The following LTF variants were observed in gnomAD, a reference collection of about 807,000 sequenced individuals.
The protein encoded by LTF is epididymis luminal protein 110.
LTF carries 91 observed loss-of-function variants against 87.2 expected under a neutral mutation model. That is an observed-to-expected ratio of 1.04 (90% CI 0.88 to 1.24). The LOEUF is 1.24. Ranked by LOEUF, LTF falls within the 50% of genes most tolerant of loss-of-function variation. LTF has a pLI of 0.00. For synonymous variants in LTF, 378 were observed against 356.1 expected (o/e 1.06, Z -0.69); for missense variants, 901 against 904.3 (o/e 1.00, Z 0.05).
chr3:46,440,814 T>C (rs1357437589), intron 14 of LTF, among the ~76,000 whole-genome samples: 1 of 152,138 alleles, frequency 6.6e-6, no homozygotes, highest in African/African-American at 2.4e-5. Context: ...GAAGTGGGGC[T>C]AAGGAGACAG....
Position 46,482,647 on chromosome 3 carries a change from AGAAAGAAAGAAAGAAGGAAG to A in LTF, c.-320+2319_-320+2338del, listed in dbSNP as rs1294505545. On this transcript the variant is annotated intron_variant, in intron 1 of 19. Coordinates refer to the LTF transcript ENST00000443496. ...AAGAAAGAAAGAAAGAAAGAAAGAA[AGAAAGAAAGAAAGAAGGAAG>A]GAAGGAAGGAAGGAAGGAAGGAAGG... Among the ~76,000 whole-genome samples the A allele has an allele frequency of 4.0e-4, 41 of 102,680 alleles. 1 individual carries two copies. The highest frequency in any genetic ancestry group is 1.2e-3 in the South Asian group (3 of 2,558). The allele number at this position is 102,680 out of a possible 152,430, so 67.4% of individuals were successfully genotyped here. A position where few individuals can be genotyped will look rare whatever the true frequency, so the allele number is the denominator to read the frequency against.
At chr3:46,479,422 T>G (rs1010520198) in intron 1 of LTF, among the ~76,000 whole-genome samples, 2 of 152,188 alleles carry the variant, frequency 1.3e-5, no homozygotes, top group African/African-American at 4.8e-5. Context: ...AGGCTGAGAA[T>G]GGACTGAGAG....
At chr3:46,479,820 G>A (rs971760553) in intron 1 of LTF, among the ~76,000 whole-genome samples, 3 of 152,186 alleles carry the variant, frequency 2.0e-5, no homozygotes, top group Non-Finnish European at 4.4e-5. Flanking sequence ...GAGCCACTGC[G>A]CCCGGCCAGA....
At chr3:46,440,216 G>A (rs1702486071) in intron 14 of LTF, among the ~76,000 whole-genome samples, 1 of 152,062 alleles carries the variant, frequency 6.6e-6, no homozygotes, top group Admixed American at 6.5e-5. Flanking sequence ...TTTTTTTAAA[G>A]AAGAAAACCC....
At position 46,456,289 on chromosome 3, in the gene LTF, C is replaced by T. The variant is rs934572568; in HGVS notation, c.316+1G>A. The T allele has an allele frequency of 5.0e-6, 8 of 1,613,600 alleles. No homozygotes were observed. Among genetic ancestry groups the T allele is most frequent in the South Asian group, 4.4e-5 (4 of 91,080 alleles). On this transcript the variant is annotated splice_donor_variant, in intron 3 of 16. Coordinates refer to ENST00000231751, the MANE Select transcript of LTF (RefSeq NM_002343.6). LOFTEE classifies it high-confidence loss of function. ...CCTCTGGGTCCCCAGGCAGAACTCACGTCTTTCGGTCCCGTAGACTTCCGC... is the reference window on the plus strand; with the variant it reads ...CCTCTGGGTCCCCAGGCAGAACTCATGTCTTTCGGTCCCGTAGACTTCCGC...
intron 1 of LTF, among the ~76,000 whole-genome samples, chr3:46,477,794 G>T (rs1369517186): frequency 6.6e-6 from 1 of 152,308 alleles, no homozygotes; most frequent in South Asian, 2.1e-4. Flanking sequence ...AACTATTATT[G>T]TTATTGTTTC....
chr3:46,437,246 T>A (rs1702405625), intron 16 of LTF, among the ~76,000 whole-genome samples: 1 of 152,182 alleles, frequency 6.6e-6, no homozygotes, highest in Non-Finnish European at 1.5e-5. Context: ...TTAAGATGTG[T>A]TTTCCTACAC....
intron 2 of LTF, among the ~76,000 whole-genome samples, chr3:46,456,667 A>G (rs1008720534): frequency 6.6e-6 from 1 of 152,112 alleles, no homozygotes; most frequent in Non-Finnish European, 1.5e-5. Flanking sequence ...CACCCCTCAC[A>G]GTCATCTATA....
At chr3:46,465,544 TC>T (rs1370283967), upstream of LTF, among the ~76,000 whole-genome samples, 1 of 151,440 alleles carries the variant, frequency 6.6e-6, no homozygotes, top group Non-Finnish European at 1.5e-5. Context: ...CAAGGCTGGT[TC>T]CATGTTCTTA....
chr3:46,459,777 G>A lies in LTF; in HGVS notation c.86C>T (p.Ala29Val), dbSNP rs1477163266. The A allele has an allele frequency of 1.4e-6, 2 of 1,481,300 alleles. No individual in the cohort carries two copies. The highest frequency in any genetic ancestry group is 1.8e-6 in the Non-Finnish European group (2 of 1,128,156). The allele number at this position is 1,481,300 out of a possible 1,614,324, so 91.8% of individuals were successfully genotyped here. Residue 29 changes from alanine to valine, a missense_variant, in exon 2 of 17, where the codon GCC (alanine) becomes GTC (valine). Ala to Val is a moderately conservative substitution (Grantham distance 64, BLOSUM62 0). Transcript: ENST00000231751. Reference protein sequence around the residue: ...AGRRRSVQWCAVSQPEATKCF... With the variant: ...AGRRRSVQWCVVSQPEATKCF... Reference sequence around the variant, plus strand: ...TTTTGTGGCCTCGGGTTGGGATACGGCGCACCACTGAACACTCCTCCTACG... The same window carrying A: ...TTTTGTGGCCTCGGGTTGGGATACGACGCACCACTGAACACTCCTCCTACG...
intron 14 of LTF, among the ~76,000 whole-genome samples, chr3:46,440,454 G>A (rs1702491607): frequency 6.6e-6 from 1 of 152,180 alleles, no homozygotes; most frequent in Non-Finnish European, 1.5e-5. Context: ...CTGATCCCTG[G>A]AGATTACTTC....
At chr3:46,456,039 C>T in intron 3 of LTF, 61 bp from the exon 4 acceptor site, 3 of 1,444,654 alleles carry the variant, frequency 2.1e-6, no homozygotes, top group African/African-American at 1.4e-5. Flanking sequence ...AAAAACAACC[C>T]ATCCTGAAAA....
chr3:46,457,338 C>T (rs1182333154), intron 2 of LTF, among the ~76,000 whole-genome samples: 1 of 152,132 alleles, frequency 6.6e-6, no homozygotes, highest in Admixed American at 6.5e-5. Context: ...GAATAATTTC[C>T]CCCAATGTTT....
At chr3:46,439,161 G>T in intron 15 of LTF, 135 bp downstream of exon 15, 1 of 812,238 alleles carries the variant, frequency 1.2e-6, no homozygotes, top group African/African-American at 1.7e-5. Context: ...ACAGCATGAA[G>T]CCAATACTCT....
chr3:46,439,431 C>T lies in LTF; in HGVS notation c.1773G>A (p.Ala591=), dbSNP rs62247784. 9.5e-5 allele frequency: 154 copies of T among 1,613,946 alleles called. No individual in the cohort carries two copies. The East Asian group carries it at 1.3e-3, about 13-fold the overall frequency. ...WAKDLKLADF[A]LLCLDGKRKP... ...TCCGTTTGCCATCGAGGCACAGCAG[C>T]GCAAAGTCTGCCAGCTTCAAATCCT... is the stretch of plus-strand genomic sequence containing the variant. The change falls in exon 15 of 17, where the codon GCG becomes GCA. Residue 591 remains alanine (A), a synonymous_variant. Coordinates refer to ENST00000231751, the MANE Select transcript of LTF (RefSeq NM_002343.6).
chr3:46,452,496 A>T (rs1702827978), intron 6 of LTF, among the ~76,000 whole-genome samples: 1 of 152,246 alleles, frequency 6.6e-6, no homozygotes, highest in South Asian at 2.1e-4. Context: ...TTTTCCAGAA[A>T]TTCAACAAAA....
chr3:46,442,446 G>A (rs1427671924), intron 13 of LTF, among the ~76,000 whole-genome samples: 1 of 151,486 alleles, frequency 6.6e-6, no homozygotes, highest in Non-Finnish European at 1.5e-5. Flanking sequence ...AGTATAATTA[G>A]GAATATTAAA....
chr3:46,445,779 C>T (rs1331564538), intron 11 of LTF, among the ~76,000 whole-genome samples: 1 of 152,194 alleles, frequency 6.6e-6, no homozygotes, highest in Non-Finnish European at 1.5e-5. Flanking sequence ...ACAAGAGAGA[C>T]CCCAACAGTG....
intron 1 of LTF, among the ~76,000 whole-genome samples, chr3:46,473,716 C>T (rs1243433104): frequency 6.6e-6 from 1 of 152,184 alleles, no homozygotes; most frequent in Non-Finnish European, 1.5e-5. Flanking sequence ...CTCTGACCTT[C>T]TTGCCTCCCT....
Sources: allele counts gnomAD v4.1 joint callset (sites outside exome capture counted in the v4.1 genomes callset), GRCh38; gene constraint gnomAD v4.1.1; transcripts MANE v1.5; gene names NCBI Gene and HGNC (gene_info 2026-07-23, HGNC 2026-07-21).